Variants in MAP4K4 observed in about 807,000 individuals in gnomAD.
MAP4K4 encodes the protein mitogen-activated protein kinase kinase kinase kinase 4.
Under a neutral mutation model 189.6 loss-of-function variants are expected in MAP4K4, and 38 were observed. The observed-to-expected ratio is 0.20, with a 90% CI of 0.15 to 0.26. The LOEUF is 0.26. Among genes scored for constraint, MAP4K4 ranks in the 10% least tolerant of loss-of-function variants. MAP4K4 has a pLI of 1.00. For synonymous variants in MAP4K4, 610 were observed against 624.3 expected (o/e 0.98, Z 0.34); for missense variants, 1,054 against 1,726.9 (o/e 0.61, Z 6.91).
intron 2 of MAP4K4, among the ~76,000 whole-genome samples, chr2:101,753,101 CAAATTAATGCT>C (rs746393402): frequency 6.6e-6 from 1 of 152,214 alleles, no homozygotes; most frequent in Non-Finnish European, 1.5e-5. Flanking sequence ...TTTAATCTCT[CAAATTAATGCT>C]ATAAAGCAGG....
chr2:101,765,115 C>T (rs547198036), intron 2 of MAP4K4, among the ~76,000 whole-genome samples: 1 of 151,944 alleles, frequency 6.6e-6, no homozygotes, highest in Non-Finnish European at 1.5e-5. Context: ...GTGAGACCTT[C>T]CATAAGGCAA....
At chr2:101,803,869 T>C (rs981253274) in intron 3 of MAP4K4, among the ~76,000 whole-genome samples, 2 of 152,202 alleles carry the variant, frequency 1.3e-5, no homozygotes, top group African/African-American at 2.4e-5. Flanking sequence ...TATCTCCTAG[T>C]TATTCTGACT....
chr2:101,778,693 A>G (rs1006351250), intron 2 of MAP4K4, among the ~76,000 whole-genome samples: 1 of 152,154 alleles, frequency 6.6e-6, no homozygotes, highest in Non-Finnish European at 1.5e-5. Flanking sequence ...AGGGAGTCGT[A>G]TGAAGGGACA....
At chr2:101,873,407 G>A (rs1336999271) in intron 24 of MAP4K4, among the ~76,000 whole-genome samples, 2 of 151,694 alleles carry the variant, frequency 1.3e-5, no homozygotes, top group Non-Finnish European at 2.9e-5. Flanking sequence ...GCACTGCTTT[G>A]TAAGTGAGCA....
intron 11 of MAP4K4, 55 bp from the exon 12 acceptor site, chr2:101,844,046 C>A: frequency 7.9e-7 from 1 of 1,269,330 alleles, no homozygotes; most frequent in East Asian, 2.5e-5. Flanking sequence ...TATTGACTCA[C>A]TTATAGGACA....
intron 9 of MAP4K4, among the ~76,000 whole-genome samples, chr2:101,836,735 A>G (rs1001321347): frequency 4.6e-5 from 7 of 152,224 alleles, no homozygotes; most frequent in African/African-American, 1.7e-4. Context: ...AGAATAGCAT[A>G]TTAAACAGAA....
At position 101,893,436 on chromosome 2, in the gene MAP4K4, C is replaced by T. The variant is rs112494899; in HGVS notation, c.*2187C>T. 2,564 of 345,870 alleles carry T rather than the reference C, an allele frequency of 7.4e-3. 40 individuals are homozygous for T. The highest frequency in any genetic ancestry group is 0.041 in the African/African-American group (1,897 of 46,682). 21.4% of individuals were successfully genotyped at this position (345,870 alleles called of 1,614,324 possible). A position where few individuals can be genotyped will look rare whatever the true frequency, so the allele number is the denominator to read the frequency against. On this transcript the variant is annotated 3_prime_UTR_variant, in exon 33 of 33. Transcript: ENST00000324219. The stretch of plus-strand genomic sequence containing the variant: ...GGATTTGAGGTAGGCTGGATTCCAT[C>T]GCCACAGGACTTTAGTTAGAATTAA...
intron 2 of MAP4K4, among the ~76,000 whole-genome samples, chr2:101,776,106 G>A (rs1184377564): frequency 2.0e-5 from 3 of 152,170 alleles, no homozygotes; most frequent in Non-Finnish European, 4.4e-5. Context: ...TCCCCATCAA[G>A]CCGTAGTGGC....
At chr2:101,824,550 A>G (rs2096268593) in intron 4 of MAP4K4, among the ~76,000 whole-genome samples, 1 of 152,180 alleles carries the variant, frequency 6.6e-6, no homozygotes, top group South Asian at 2.1e-4. Flanking sequence ...CTCTTTTTGA[A>G]CACATTTATA....
At chr2:101,862,080 T>A (rs1559232553) in intron 16 of MAP4K4, 1 of 151,388 alleles carries the variant, frequency 6.6e-6, no homozygotes. Context: ...GCTAAAAATA[T>A]AAAAATCAGC....
chr2:101,833,267 G>C (rs528435311), intron 7 of MAP4K4, among the ~76,000 whole-genome samples: 34 of 152,310 alleles, frequency 2.2e-4, no homozygotes, highest in African/African-American at 7.2e-4. Flanking sequence ...CAAATACATA[G>C]TAATGATAAT....
At chr2:101,789,114 G>T (rs1575580116) in intron 2 of MAP4K4, among the ~76,000 whole-genome samples, 1 of 152,190 alleles carries the variant, frequency 6.6e-6, no homozygotes, top group Admixed American at 6.5e-5. Flanking sequence ...CTGTCAGCGA[G>T]AAATATGCTT....
At chr2:101,884,426 T>C (rs2098453038) in intron 28 of MAP4K4, among the ~76,000 whole-genome samples, 1 of 152,238 alleles carries the variant, frequency 6.6e-6, no homozygotes, top group Admixed American at 6.5e-5. Flanking sequence ...TTTATTGATT[T>C]ATTTAAACAG....
At chr2:101,822,528 T>C (rs1211238843) in intron 3 of MAP4K4, among the ~76,000 whole-genome samples, 1 of 152,252 alleles carries the variant, frequency 6.6e-6, no homozygotes, top group Admixed American at 6.5e-5. Flanking sequence ...GTTCGTATTT[T>C]AAAAATTATT....
intron 3 of MAP4K4, among the ~76,000 whole-genome samples, chr2:101,794,754 T>C (rs1386756621): frequency 6.6e-6 from 1 of 152,256 alleles, no homozygotes; most frequent in Non-Finnish European, 1.5e-5. Context: ...TACGTAGTTA[T>C]CTTATATCGC....
chr2:101,701,228 A>C lies in MAP4K4; in HGVS notation c.123+2690A>C, dbSNP rs561663025. ...TTTTGAGGCAACTATATTTACATGA[A>C]GTGAGTGAGTTGAAAAGAGGGAGTT... On this transcript the variant is annotated intron_variant, in intron 2 of 32. Transcript: ENST00000324219. Among the ~76,000 whole-genome samples the C allele has an allele frequency of 1.1e-4, 16 of 152,302 alleles. No individual in the cohort carries two copies. The East Asian group carries it at 3.1e-3, about 29-fold the overall frequency.
intron 9 of MAP4K4, among the ~76,000 whole-genome samples, chr2:101,838,369 C>T (rs1299470167): frequency 1.3e-5 from 2 of 152,156 alleles, no homozygotes; most frequent in Non-Finnish European, 2.9e-5. Context: ...CCTCATTAAA[C>T]GTAGAATAAA....
At chr2:101,889,411 T>C (rs757195425) in intron 32 of MAP4K4, among the ~76,000 whole-genome samples, 8 of 152,158 alleles carry the variant, frequency 5.3e-5, no homozygotes, top group Non-Finnish European at 7.4e-5. Flanking sequence ...AAAAATCATC[T>C]TATGCAGACA....
chr2:101,729,097 A>AGTGT (rs1224495620), intron 2 of MAP4K4, among the ~76,000 whole-genome samples: 719 of 64,870 alleles, frequency 0.011, 3 homozygotes, highest in African/African-American at 0.024. Context: ...AGAGAGAGAG[A>AGTGT]GAGAGTGTGT....
Sources: allele counts gnomAD v4.1 joint callset (sites outside exome capture counted in the v4.1 genomes callset), GRCh38; gene constraint gnomAD v4.1.1; transcripts MANE v1.5; gene names NCBI Gene and HGNC (gene_info 2026-07-23, HGNC 2026-07-21).